The following EIF2AK1 variants were observed in gnomAD, a reference collection of about 807,000 sequenced individuals.
The protein encoded by EIF2AK1 is eukaryotic translation initiation factor 2 alpha kinase 1, also known as eukaryotic translation initiation factor 2-alpha kinase 1.
EIF2AK1 carries 54 observed loss-of-function variants against 77.9 expected under a neutral mutation model. The observed-to-expected ratio is 0.69, with a 90% CI of 0.56 to 0.87. EIF2AK1 has a LOEUF of 0.87. EIF2AK1 is among the 40% of genes least tolerant of loss of function. The pLI is 0.00. For missense variants in EIF2AK1, 810 were observed against 768.6 expected, an observed-to-expected ratio of 1.05 and a Z score of -0.64; for synonymous variants, 314 against 290.5, an observed-to-expected ratio of 1.08 and a Z score of -0.82.
chr7:6,024,415 T>A lies in EIF2AK1; in HGVS notation c.*258A>T. 3 of 1,337,472 alleles carry A rather than the reference T, an allele frequency of 2.2e-6. No homozygotes were observed. Among genetic ancestry groups the A allele is most frequent in the Non-Finnish European group, 2.9e-6 (3 of 1,042,702 alleles). The allele number at this position is 1,337,472 out of a possible 1,614,324, so 82.9% of individuals were successfully genotyped here. On this transcript the variant is annotated 3_prime_UTR_variant, in exon 15 of 15. Coordinates refer to ENST00000199389, the MANE Select transcript of EIF2AK1 (RefSeq NM_014413.4). ...AGACCAGACAGAGGGTCAACAGAGT[T>A]GAAAGGAGAAAATAATTGAGGATGA...
chr7:6,044,444 A>C (rs1788390074), intron 7 of EIF2AK1, 118 bp downstream of exon 7: 10 of 808,652 alleles, frequency 1.2e-5, no homozygotes, highest in Non-Finnish European at 1.9e-5. Context: ...TCTCAAAAAA[A>C]AATATGTAAA....
chr7:6,029,037 CAACA>C lies in EIF2AK1; in HGVS notation c.1333-9_1333-6del. ...ATGAAGAAAAATATTTCTTGGCTAT[CAACA>C]AACAAAACAAGTCAACTCCTTGGCT... On this transcript the variant is annotated splice_region_variant and splice_polypyrimidine_tract_variant and intron_variant, in intron 11 of 14. Transcript: ENST00000199389. 1 of 1,601,304 alleles carries C rather than the reference CAACA, an allele frequency of 6.2e-7. No homozygotes were observed. The highest frequency in any genetic ancestry group is 8.5e-7 in the Non-Finnish European group (1 of 1,173,202).
At chr7:6,054,834 T>C (rs753300395) in intron 1 of EIF2AK1, 130 bp from the exon 2 acceptor site, 10 of 960,928 alleles carry the variant, frequency 1.0e-5, no homozygotes, top group African/African-American at 1.7e-5. Flanking sequence ...AGAATAGTTA[T>C]GCTGAGTTGG....
chr7:6,038,275 GT>G (rs1788162619), intron 10 of EIF2AK1, among the ~76,000 whole-genome samples: 1 of 151,922 alleles, frequency 6.6e-6, no homozygotes, highest in African/African-American at 2.4e-5. Context: ...ACAAAATTTT[GT>G]TTTTCAAAAT....
At chr7:6,056,734 T>C (rs1788785620) in intron 1 of EIF2AK1, among the ~76,000 whole-genome samples, 1 of 149,606 alleles carries the variant, frequency 6.7e-6, no homozygotes. Flanking sequence ...TTTTAAAAGC[T>C]TATCTAAGAT....
chr7:6,040,031 T>G (rs17136358), intron 9 of EIF2AK1, among the ~76,000 whole-genome samples: 1 of 152,284 alleles, frequency 6.6e-6, no homozygotes, highest in East Asian at 1.9e-4. Flanking sequence ...TTTTATAATC[T>G]TAACAAGACA....
rs900898566 is a variant in EIF2AK1, at chr7:6,040,879, G to A, written c.1119+13C>T. On this transcript the variant is annotated intron_variant, in intron 9 of 14. Transcript: ENST00000199389. ...TACTGGCCAAATTAGGAGGGTCTGGGAAAGTAATCTACCTCTGTCTGACCC... is the reference window on the plus strand; with the variant it reads ...TACTGGCCAAATTAGGAGGGTCTGGAAAAGTAATCTACCTCTGTCTGACCC... 6.2e-7 allele frequency: 1 copy of A among 1,610,016 alleles called. No homozygotes were observed. Among genetic ancestry groups the A allele is most frequent in the African/African-American group, 1.3e-5 (1 of 74,812 alleles).
Position 6,023,765 on chromosome 7 carries a change from C to T in EIF2AK1, c.*908G>A, listed in dbSNP as rs1423566099. 1.2e-6 allele frequency: 2 copies of T among 1,608,968 alleles called. No homozygotes were observed. Among genetic ancestry groups the T allele is most frequent in the Admixed American group, 1.7e-5 (1 of 59,308 alleles). On this transcript the variant is annotated 3_prime_UTR_variant, in exon 15 of 15. Coordinates refer to ENST00000199389, the MANE Select transcript of EIF2AK1 (RefSeq NM_014413.4). ...TTCATGCCTATTATCAGTAAGGGGA[C>T]TTGTATTAGAGTCAGAGTCTTTTTA...
intron 3 of EIF2AK1, 76 bp downstream of exon 3, chr7:6,049,836 C>G: frequency 7.2e-7 from 1 of 1,387,694 alleles, no homozygotes; most frequent in Non-Finnish European, 9.9e-7. Context: ...CAGAATTTCA[C>G]AGTGCTTTAA....
chr7:6,023,678 A>G lies in EIF2AK1; in HGVS notation c.*995T>C. The G allele has an allele frequency of 1.2e-6, 2 of 1,614,152 alleles. No homozygotes were observed. Among genetic ancestry groups the G allele is most frequent in the Non-Finnish European group, 8.5e-7 (1 of 1,180,032 alleles). On this transcript the variant is annotated 3_prime_UTR_variant, in exon 15 of 15. Coordinates refer to ENST00000199389, the MANE Select transcript of EIF2AK1 (RefSeq NM_014413.4). ...CTGGCTCCTTTTAACACGGCCCTCA[A>G]GCTCCTTAAGTGAATTGCCGTAACT... is the stretch of plus-strand genomic sequence containing the variant.
rs1339388001 is a variant in EIF2AK1 at position 6,035,525 on chromosome 7, C to A, written c.1332+1899G>T. ...CCACCACGTGGGCAAAACCAGGCAA[C>A]AGAACGCACAGGATCCTGACAGACA... On this transcript the variant is annotated intron_variant, in intron 11 of 14. Transcript: ENST00000199389. This position sits in a 1 kb window ranked among gnomAD's most constrained non-coding sequence, Gnocchi z 5.5. The A allele has an allele frequency of 6.4e-7, 1 of 1,551,212 alleles. No homozygotes were observed. The highest frequency in any genetic ancestry group is 8.7e-7 in the Non-Finnish European group (1 of 1,147,132).
chr7:6,034,684 T>G (rs893209318), intron 11 of EIF2AK1, among the ~76,000 whole-genome samples: 3 of 152,188 alleles, frequency 2.0e-5, no homozygotes, highest in African/African-American at 7.2e-5. Flanking sequence ...CAAATCTATG[T>G]GAACTAAAAT....
Position 6,026,848 on chromosome 7 carries a change from G to T in EIF2AK1, c.1644C>A (p.Ser548=). The stretch of plus-strand genomic sequence containing the variant: ...CTTGCACTGGACACCTTTTACGGAG[G>T]GATTCCGGCAACTGACCAGTTCTTA... The part of the protein sequence containing the change: ...TGLRTGQLPE[S]LRKRCPVQAK... The change falls in exon 14 of 15, where the codon TCC becomes TCA. Residue 548 remains serine, a synonymous_variant. Transcript: ENST00000199389. 6.2e-7 allele frequency: 1 copy of T among 1,614,146 alleles called. No homozygotes were observed. The highest frequency in any genetic ancestry group is 8.5e-7 in the Non-Finnish European group (1 of 1,180,040).
chr7:6,038,531 C>T, intron 10 of EIF2AK1, 29 bp downstream of exon 10: 2 of 1,577,944 alleles, frequency 1.3e-6, no homozygotes, highest in African/African-American at 2.7e-5. Context: ...TGTCTATTTC[C>T]CGGCCCGGCA....
intron 2 of EIF2AK1, among the ~76,000 whole-genome samples, chr7:6,054,341 T>G (rs550236360): frequency 1.3e-5 from 2 of 152,086 alleles, no homozygotes; most frequent in East Asian, 3.9e-4. Context: ...GTAGCTGGGG[T>G]TACAGGTGCC....
Position 6,035,331 on chromosome 7 carries a change from G to C in EIF2AK1, c.1332+2093C>G. ...TACAGATTTTGAAACACGTCCTTAAGGTAATTGAAGGGTCTTACTTTAAAT... is the reference window on the plus strand; with the variant it reads ...TACAGATTTTGAAACACGTCCTTAACGTAATTGAAGGGTCTTACTTTAAAT... On this transcript the variant is annotated intron_variant, in intron 11 of 14. Transcript: ENST00000199389. The surrounding 1 kb of genome is among the most constrained non-coding windows in gnomAD (Gnocchi z 5.5). 1 of 1,035,926 alleles carries C rather than the reference G, an allele frequency of 9.7e-7. No homozygotes were observed. The highest frequency in any genetic ancestry group is 1.4e-6 in the Non-Finnish European group (1 of 723,168). The allele number at this position is 1,035,926 out of a possible 1,614,324, so 64.2% of individuals were successfully genotyped here.
rs1475542129 is a variant in EIF2AK1 at position 6,049,901 on chromosome 7, T to C, written c.411+11A>G. 4 of 1,601,922 alleles carry C rather than the reference T, an allele frequency of 2.5e-6. No individual in the cohort carries two copies. In the African/African-American group the frequency reaches 5.4e-5, roughly 22 times the overall value. On this transcript the variant is annotated intron_variant, in intron 3 of 14. Transcript: ENST00000199389. The stretch of plus-strand genomic sequence containing the variant: ...TTTTGTCATACCCAAAGTATATTTT[T>C]TAGGGCTTACCTGACGAACTCTCTC...
rs1280640455 is a variant in EIF2AK1, at chr7:6,059,091, C to CT, written c.-9_-8insA. 3 of 1,377,802 alleles carry CT rather than the reference C, an allele frequency of 2.2e-6. No homozygotes were observed. The highest frequency in any genetic ancestry group is 2.8e-6 in the Non-Finnish European group (3 of 1,072,856). The allele number at this position is 1,377,802 out of a possible 1,614,324, so 85.3% of individuals were successfully genotyped here. A position where few individuals can be genotyped will look rare whatever the true frequency, so the allele number is the denominator to read the frequency against. ...GGAGTTGCCCCCCTGCATCGCCGGC[C>CT]GCGCGCGGGCCGCAGCCCAGCCCGC... On this transcript the variant is annotated 5_prime_UTR_variant, in exon 1 of 15. Transcript: ENST00000199389.
At chr7:6,050,088 A>G (rs1342294995) in intron 2 of EIF2AK1, 43 bp from the exon 3 acceptor site, 4 of 1,534,894 alleles carry the variant, frequency 2.6e-6, no homozygotes, top group Non-Finnish European at 3.5e-6. Context: ...AACATCTTTA[A>G]TAAAATGGCA....
Sources: allele counts gnomAD v4.1 joint callset (sites outside exome capture counted in the v4.1 genomes callset), GRCh38; gene constraint gnomAD v4.1.1; non-coding constraint Gnocchi (gnomAD v3.1); transcripts MANE v1.5; gene names NCBI Gene and HGNC (gene_info 2026-07-23, HGNC 2026-07-21).